Variants in SHISAL1 observed in about 807,000 individuals in gnomAD.
The protein encoded by SHISAL1 is shisa like 1, also known as protein shisa-like-1.
In SHISAL1, 9 loss-of-function variants were observed where a neutral mutation model predicts 22.6. The observed-to-expected ratio is 0.40, with a 90% CI of 0.24 to 0.70. SHISAL1 has a LOEUF of 0.70. Ranked by LOEUF, SHISAL1 falls within the 30% of genes least tolerant of loss-of-function variation. SHISAL1 has a pLI of 0.39. For synonymous variants in SHISAL1, 119 were observed against 115.4 expected (o/e 1.03, Z -0.20); for missense variants, 246 against 270.6 (o/e 0.91, Z 0.64).
the SHISAL1 span, among the ~76,000 whole-genome samples, chr22:44,324,073 T>A: frequency 6.6e-6 from 1 of 152,174 alleles, no homozygotes; most frequent in African/African-American, 2.4e-5. Flanking sequence ...TTACTGTCTC[T>A]CTAGAGCTTA....
Position 44,310,102 on chromosome 22 carries a change from C to G in SHISAL1, c.-33+2649G>C, listed in dbSNP as rs113809732. On this transcript the variant is annotated intron_variant, in intron 1 of 4. Coordinates refer to ENST00000381176, the MANE Select transcript of SHISAL1 (RefSeq NM_001099294.2). The surrounding 1 kb of genome is among the most constrained non-coding windows in gnomAD (Gnocchi z 4.0). ...TGACAGTGAGTGAGAAGGGCCAGCA[C>G]CTCACACCCTAGTAACGGCCAATGT... Among the ~76,000 whole-genome samples the G allele has an allele frequency of 1.3e-5, 2 of 152,308 alleles. No homozygotes were observed. Among genetic ancestry groups the G allele is most frequent in the African/African-American group, 4.8e-5 (2 of 41,582 alleles).
intron 3 of SHISAL1, among the ~76,000 whole-genome samples, chr22:44,286,370 C>T (rs972951437): frequency 3.3e-5 from 5 of 152,132 alleles, no homozygotes; most frequent in Non-Finnish European, 5.9e-5. Flanking sequence ...TATTCATTTG[C>T]CCAACATTTC....
At chr22:44,267,203 C>T (rs551392053) in intron 4 of SHISAL1, among the ~76,000 whole-genome samples, 1 of 152,102 alleles carries the variant, frequency 6.6e-6, no homozygotes, top group Non-Finnish European at 1.5e-5. Flanking sequence ...GCTTCCAGAC[C>T]CCATTTGCCC....
At chr22:44,290,881 G>A (rs563958623) in intron 3 of SHISAL1, among the ~76,000 whole-genome samples, 5 of 152,282 alleles carry the variant, frequency 3.3e-5, no homozygotes, top group African/African-American at 7.2e-5. Context: ...AAAGTGCCTC[G>A]CCCAAGGTCA....
the SHISAL1 span, among the ~76,000 whole-genome samples, chr22:44,318,557 T>G: frequency 6.6e-6 from 1 of 152,200 alleles, no homozygotes; most frequent in Admixed American, 6.5e-5. Flanking sequence ...CCTGGACATG[T>G]GACTTAGCCT....
At chr22:44,301,048 G>C in intron 1 of SHISAL1, 71 bp from the exon 2 acceptor site, 1 of 1,089,562 alleles carries the variant, frequency 9.2e-7, no homozygotes, top group Non-Finnish European at 1.4e-6. Flanking sequence ...TGCCCACAGC[G>C]GGGGACGGGC....
intron 4 of SHISAL1, among the ~76,000 whole-genome samples, chr22:44,250,620 G>A (rs1388833421): frequency 6.6e-6 from 1 of 152,190 alleles, no homozygotes; most frequent in Non-Finnish European, 1.5e-5. Context: ...ACATGACCCA[G>A]TCTGGCTAAC....
At chr22:44,296,611 G>A in intron 3 of SHISAL1, 61 bp downstream of exon 3, 1 of 1,511,330 alleles carries the variant, frequency 6.6e-7, no homozygotes, top group Non-Finnish European at 9.2e-7. Flanking sequence ...GCGATTTTGG[G>A]AGGCAGGCCC....
At chr22:44,288,314 C>T (rs1469553995) in intron 3 of SHISAL1, among the ~76,000 whole-genome samples, 1 of 152,218 alleles carries the variant, frequency 6.6e-6, no homozygotes, top group Non-Finnish European at 1.5e-5. Context: ...ACTGCCTTGG[C>T]TGCGGCCACC....
At chr22:44,265,188 A>T (rs2147276025) in intron 4 of SHISAL1, among the ~76,000 whole-genome samples, 1 of 152,284 alleles carries the variant, frequency 6.6e-6, no homozygotes, top group East Asian at 1.9e-4. Flanking sequence ...TTTGGTACCA[A>T]GGGAGACCAA....
intron 2 of SHISAL1, among the ~76,000 whole-genome samples, chr22:44,300,086 CAGAG>C (rs1391566145): frequency 6.7e-6 from 1 of 148,896 alleles, no homozygotes; most frequent in Non-Finnish European, 1.5e-5. Flanking sequence ...GAAAGACAGA[CAGAG>C]ACAGACACAG....
the SHISAL1 span, among the ~76,000 whole-genome samples, chr22:44,324,487 C>T: frequency 1.3e-5 from 2 of 152,214 alleles, no homozygotes; most frequent in Non-Finnish European, 1.5e-5. Flanking sequence ...ACAATGTCAA[C>T]ACAGTAACAC....
chr22:44,308,616 C>T (rs1004209943), intron 1 of SHISAL1, among the ~76,000 whole-genome samples: 2 of 152,218 alleles, frequency 1.3e-5, no homozygotes, highest in African/African-American at 2.4e-5. Context: ...TGACTTCCCC[C>T]GTCCCCAGGG....
Position 44,265,376 on chromosome 22 carries a change from C to A in SHISAL1, c.*-15691G>T, listed in dbSNP as rs372388829. Among the ~76,000 whole-genome samples, 16 of 152,264 alleles carry A rather than the reference C, an allele frequency of 1.1e-4. 1 individual carries two copies. In the South Asian group the frequency reaches 2.5e-3, roughly 24 times the overall value. ...AGTCAGCTGTCATGCCATGAGCTAC[C>A]CTGTGGAGAGGCCCACCTGGTGAGC... On this transcript the variant is annotated intron_variant, in intron 4 of 4. Transcript: ENST00000381176.
intron 3 of SHISAL1, among the ~76,000 whole-genome samples, chr22:44,286,550 C>G (rs1170484971): frequency 3.3e-5 from 5 of 152,182 alleles, no homozygotes; most frequent in Admixed American, 3.3e-4. Flanking sequence ...TTCCCTGCCC[C>G]CTTCCTCCCC....
intron 3 of SHISAL1, among the ~76,000 whole-genome samples, chr22:44,291,831 C>G (rs573278552): frequency 8.5e-5 from 13 of 152,172 alleles, no homozygotes; most frequent in Non-Finnish European, 1.9e-4. Flanking sequence ...GACCCCCACA[C>G]GGAGGCTTCC....
intron 3 of SHISAL1, among the ~76,000 whole-genome samples, chr22:44,291,221 C>T (rs2055350545): frequency 6.6e-6 from 1 of 152,216 alleles, no homozygotes; most frequent in African/African-American, 2.4e-5. Context: ...GGCCTTGTCA[C>T]AGAATGCTTT....
At chr22:44,271,810 T>C (rs1439112276) in intron 4 of SHISAL1, among the ~76,000 whole-genome samples, 3 of 152,170 alleles carry the variant, frequency 2.0e-5, no homozygotes, top group African/African-American at 7.2e-5. Flanking sequence ...TCCATATTAC[T>C]CTTGCTGCAG....
chr22:44,327,399 G>C, the SHISAL1 span, among the ~76,000 whole-genome samples: 1 of 152,144 alleles, frequency 6.6e-6, no homozygotes, highest in Non-Finnish European at 1.5e-5. Context: ...CCCGTGACTG[G>C]GGAAGTCAGG....
Sources: gnomAD v4.1 joint callset for allele counts (sites outside exome capture counted in the v4.1 genomes callset) on GRCh38, gnomAD v4.1.1 for gene constraint, Gnocchi (gnomAD v3.1) non-coding constraint, MANE v1.5 for transcripts, NCBI Gene and HGNC (gene_info 2026-07-23, HGNC 2026-07-21) for gene names.